The following TMEM108 variants were observed in gnomAD, a reference collection of about 807,000 sequenced individuals.
TMEM108 encodes the protein transmembrane protein 108, also known as cancer/testis antigen 124.
TMEM108 carries 12 observed loss-of-function variants against 35.1 expected under a neutral mutation model. The observed-to-expected ratio is 0.34, with a 90% CI of 0.22 to 0.55. The LOEUF (loss-of-function observed/expected upper bound fraction) is 0.55, where lower values mean the gene tolerates loss of function less well. Ranked by LOEUF, TMEM108 falls within the 20% of genes least tolerant of loss-of-function variation. The pLI is 0.89. For synonymous variants in TMEM108, 287 were observed against 308.6 expected (o/e 0.93, Z 0.73); for missense variants, 680 against 753.3 (o/e 0.90, Z 1.14).
intron 2 of TMEM108, among the ~76,000 whole-genome samples, chr3:133,056,699 G>A (rs1943469632): frequency 6.6e-6 from 1 of 151,958 alleles, no homozygotes; most frequent in African/African-American, 2.4e-5. Context: ...TCCTATCAGT[G>A]AGCATCTAAA....
intron 2 of TMEM108, among the ~76,000 whole-genome samples, chr3:133,201,850 G>T (rs937605397): frequency 3.3e-5 from 5 of 152,110 alleles, no homozygotes; most frequent in African/African-American, 1.2e-4. Flanking sequence ...GGTATTTCTG[G>T]TTCTAGATCC....
intron 3 of TMEM108, among the ~76,000 whole-genome samples, chr3:133,234,105 A>C (rs56017427): frequency 0.32 from 48,228 of 151,686 alleles, 8,393 homozygotes; most frequent in East Asian, 0.47. Context: ...TTAGACATGA[A>C]GTGCTTGCCC....
intron 2 of TMEM108, among the ~76,000 whole-genome samples, chr3:133,215,808 G>T (rs1026740274): frequency 2.0e-5 from 3 of 151,842 alleles, no homozygotes; most frequent in African/African-American, 7.3e-5. Context: ...TTAAATATCT[G>T]ATCGATTTGG....
intron 2 of TMEM108, among the ~76,000 whole-genome samples, chr3:133,132,820 G>A (rs553041623): frequency 3.3e-5 from 5 of 151,972 alleles, no homozygotes; most frequent in Non-Finnish European, 5.9e-5. Context: ...AAGAACATTC[G>A]TGATTTATGG....
At chr3:133,286,431 C>G (rs1946986425) in intron 3 of TMEM108, among the ~76,000 whole-genome samples, 1 of 152,044 alleles carries the variant, frequency 6.6e-6, no homozygotes, top group Admixed American at 6.5e-5. Context: ...ACTCCTGGGC[C>G]CAAGGGACCC....
At chr3:133,287,848 A>G (rs1014916563) in intron 3 of TMEM108, among the ~76,000 whole-genome samples, 1 of 152,234 alleles carries the variant, frequency 6.6e-6, no homozygotes, top group Non-Finnish European at 1.5e-5. Context: ...GAACACAGAT[A>G]ATCACTTAGG....
intron 2 of TMEM108, among the ~76,000 whole-genome samples, chr3:133,227,728 C>G (rs1399990721): frequency 6.6e-6 from 1 of 151,608 alleles, no homozygotes; most frequent in African/African-American, 2.4e-5. Context: ...AACCCTGTCT[C>G]TACTGAAAAT....
intron 2 of TMEM108, among the ~76,000 whole-genome samples, chr3:133,179,642 A>T (rs1226964182): frequency 5.5e-5 from 8 of 146,520 alleles, no homozygotes; most frequent in Admixed American, 1.4e-4. Context: ...AACATCACAC[A>T]CTGGGGCCTG....
Position 133,038,952 on chromosome 3 carries a change from C to A in TMEM108, c.-166+517C>A, listed in dbSNP as rs894120673. 2.1e-5 allele frequency among the ~76,000 whole-genome samples: 3 copies of A among 143,446 alleles called. No homozygotes were observed. The East Asian group carries it at 5.8e-4, about 28-fold the overall frequency. The allele number at this position is 143,446 out of a possible 152,430, so 94.1% of individuals were successfully genotyped here. ...GCGAAGAGCCCTCCTGCCTAGGTGC[C>A]GGCGGCCTCGCCGGGGACGGAGCCT... On this transcript the variant is annotated intron_variant, in intron 1 of 5. Coordinates refer to ENST00000321871, the MANE Select transcript of TMEM108 (RefSeq NM_023943.4).
rs1448388080 is a variant in TMEM108, at chr3:133,134,773, C to T, written c.-47+88753C>T. Among the ~76,000 whole-genome samples the T allele has an allele frequency of 3.3e-5, 5 of 152,188 alleles. No homozygotes were observed. The East Asian group carries it at 9.7e-4, about 30-fold the overall frequency. On this transcript the variant is annotated intron_variant, in intron 2 of 5. Coordinates refer to ENST00000321871, the MANE Select transcript of TMEM108 (RefSeq NM_023943.4). ...CAGGTATTTTTTCATCCCTCACCCC[C>T]ATCCCAACCTCCCCGCTTCTGAGTC...
chr3:133,039,440 G>A (rs1401367157), intron 1 of TMEM108, among the ~76,000 whole-genome samples: 2 of 152,128 alleles, frequency 1.3e-5, no homozygotes, highest in African/African-American at 4.8e-5. Context: ...AAGACCATTT[G>A]GCTGCCAAAA....
At chr3:133,361,440 C>T (rs572020518) in intron 3 of TMEM108, among the ~76,000 whole-genome samples, 3 of 152,312 alleles carry the variant, frequency 2.0e-5, no homozygotes, top group South Asian at 2.1e-4. Flanking sequence ...AATGAGGTAG[C>T]GGAGGAGTTC....
chr3:133,061,460 G>A (rs995282045), intron 2 of TMEM108, among the ~76,000 whole-genome samples: 24 of 152,062 alleles, frequency 1.6e-4, no homozygotes, highest in East Asian at 9.7e-4. Context: ...TGATCCTCCC[G>A]CCTCGGCCTC....
At chr3:133,363,075 C>T (rs568589709) in intron 3 of TMEM108, among the ~76,000 whole-genome samples, 5 of 152,298 alleles carry the variant, frequency 3.3e-5, no homozygotes, top group East Asian at 1.9e-4. Flanking sequence ...TTACTACATG[C>T]GTGGACCATT....
At chr3:133,073,748 A>G (rs1235111542) in intron 2 of TMEM108, among the ~76,000 whole-genome samples, 1 of 151,598 alleles carries the variant, frequency 6.6e-6, no homozygotes, top group Non-Finnish European at 1.5e-5. Context: ...TGTTTTCCAT[A>G]GTCACTGTAT....
intron 3 of TMEM108, among the ~76,000 whole-genome samples, chr3:133,312,197 A>G (rs1426355010): frequency 2.0e-5 from 3 of 152,196 alleles, no homozygotes; most frequent in East Asian, 3.9e-4. Flanking sequence ...TCAGGGACCT[A>G]CTTGAGGAGG....
At chr3:133,373,391 T>C (rs1336721524) in intron 3 of TMEM108, among the ~76,000 whole-genome samples, 1 of 34,530 alleles carries the variant, frequency 2.9e-5, no homozygotes, top group Non-Finnish European at 6.4e-5. Context: ...AGATGATAGA[T>C]AGATAGATAG....
rs77678655 is a variant in TMEM108, at chr3:133,112,103, G to C, written c.-47+66083G>C. 2.3e-3 allele frequency among the ~76,000 whole-genome samples: 355 copies of C among 151,866 alleles called. 2 individuals are homozygous for C. The highest frequency in any genetic ancestry group is 7.6e-3 in the African/African-American group (315 of 41,442). The stretch of plus-strand genomic sequence containing the variant: ...AAAACAGTTCTTTTTCCATTGCGGG[G>C]GAAACAAAAAAGAAAGAAATTCTGG... On this transcript the variant is annotated intron_variant, in intron 2 of 5. Coordinates refer to ENST00000321871, the MANE Select transcript of TMEM108 (RefSeq NM_023943.4).
chr3:133,376,798 C>T (rs2072854980), intron 3 of TMEM108, among the ~76,000 whole-genome samples: 2 of 152,188 alleles, frequency 1.3e-5, no homozygotes, highest in Admixed American at 6.5e-5. Context: ...GTATAAACTT[C>T]CTGCACAAAA....
Sources: gnomAD v4.1 joint callset for allele counts (sites outside exome capture counted in the v4.1 genomes callset) on GRCh38, gnomAD v4.1.1 for gene constraint, MANE v1.5 for transcripts, NCBI Gene and HGNC (gene_info 2026-07-23, HGNC 2026-07-21) for gene names.